Variants in FAM83E observed in about 807,000 individuals in gnomAD.
The protein encoded by FAM83E is protein FAM83E.
Under a neutral mutation model 34.3 loss-of-function variants are expected in FAM83E, and 29 were observed. The ratio of observed to expected loss-of-function variants is 0.85; its 90% CI spans 0.63 to 1.15. The LOEUF (loss-of-function observed/expected upper bound fraction) is 1.15. Ranked by LOEUF, FAM83E falls within the 50% of genes most tolerant of loss-of-function variation. The pLI is 0.00. For synonymous variants in FAM83E, 312 were observed against 311.6 expected, an observed-to-expected ratio of 1.00 and a Z score of -0.01; for missense variants, 697 against 685.0, an observed-to-expected ratio of 1.02 and a Z score of -0.20.
intron 3 of FAM83E, 47 bp from the exon 4 acceptor site, chr19:48,610,894 C>T (rs1425287273): frequency 1.3e-6 from 2 of 1,549,866 alleles, no homozygotes; most frequent in Admixed American, 1.9e-5. Flanking sequence ...GAAGCTGGCT[C>T]AGGGGACACT....
intron 5 of FAM83E, chr19:48,607,085 G>GT: frequency 6.2e-7 from 1 of 1,613,250 alleles, no homozygotes. Flanking sequence ...CAGTGTCCTG[G>GT]TACCTACATG....
intron 5 of FAM83E, among the ~76,000 whole-genome samples, chr19:48,604,461 G>A (rs1455665103): frequency 6.6e-6 from 1 of 150,844 alleles, no homozygotes; most frequent in East Asian, 2.0e-4. Context: ...CTCCTGAGTA[G>A]TTGGGATTAC....
At chr19:48,607,668 T>TA (rs1190384649) in intron 5 of FAM83E, 7 of 349,066 alleles carry the variant, frequency 2.0e-5, no homozygotes, top group East Asian at 4.6e-5. Flanking sequence ...TGAAATATGG[T>TA]AAAAAATATA....
At chr19:48,609,109 A>C (rs1042597760) in intron 5 of FAM83E, among the ~76,000 whole-genome samples, 1 of 151,970 alleles carries the variant, frequency 6.6e-6, no homozygotes, top group African/African-American at 2.4e-5. Context: ...AGGCACAGAG[A>C]GGTGAAGTAA....
rs1286638164 is a variant in FAM83E at position 48,609,876 on chromosome 19, C to A, written c.758G>T (p.Ser253Ile). 1 of 1,612,462 alleles carries A rather than the reference C, an allele frequency of 6.2e-7. No homozygotes were observed. Among genetic ancestry groups the A allele is most frequent in the Middle Eastern group, 1.7e-4 (1 of 6,038 alleles). Reference sequence around the variant, plus strand: ...GTGGGGGGCGGGGCGGGGGCTACACCTGTAGGATCCTGAGATGACCCTCTC... The same window carrying A: ...GTGGGGGGCGGGGCGGGGGCTACACATGTAGGATCCTGAGATGACCCTCTC... ...DGERVISGSY[S>I]FTWSDARLHR... is the part of the protein sequence containing the mutation. Residue 253 changes from serine (S) to isoleucine (I), a missense_variant and splice_region_variant, in exon 5 of 7, where the codon AGC (serine) becomes ATC (isoleucine). Ser to Ile is a moderately radical substitution (Grantham distance 142). Transcript: ENST00000263266.
At chr19:48,602,825 T>TTTATTATTATTA (rs201384936) in intron 6 of FAM83E, among the ~76,000 whole-genome samples, 57 of 113,994 alleles carry the variant, frequency 5.0e-4, no homozygotes, top group East Asian at 1.4e-3. Context: ...TTATTTATTG[T>TTTATTATTATTA]TTATTATTAT....
chr19:48,614,205 T>G lies in FAM83E; in HGVS notation c.-833A>C. 3.0e-6 allele frequency: 3 copies of G among 985,570 alleles called. No homozygotes were observed. The highest frequency in any genetic ancestry group is 3.6e-6 in the Non-Finnish European group (3 of 830,064). The allele number at this position is 985,570 out of a possible 1,614,324, so 61.1% of individuals were successfully genotyped here. On this transcript the variant is annotated 5_prime_UTR_variant, in exon 3 of 7. Coordinates refer to ENST00000263266, the MANE Select transcript of FAM83E (RefSeq NM_017708.4). Reference sequence around the variant, plus strand: ...CCCTCCTCACACTCCTTCCAGCTGCTGCAGTGGAGGGTGAAATGCGCTACA... The same window carrying G: ...CCCTCCTCACACTCCTTCCAGCTGCGGCAGTGGAGGGTGAAATGCGCTACA...
At chr19:48,609,747 T>G in intron 5 of FAM83E, 129 bp downstream of exon 5, 4 of 1,032,868 alleles carry the variant, frequency 3.9e-6, no homozygotes, top group South Asian at 1.5e-5. Context: ...CAGGGAAGAG[T>G]GTTTTGCCCC....
At chr19:48,607,933 A>G (rs1204064913) in intron 5 of FAM83E, among the ~76,000 whole-genome samples, 4 of 151,878 alleles carry the variant, frequency 2.6e-5, no homozygotes, top group Non-Finnish European at 5.9e-5. Flanking sequence ...CAAGCTGGGA[A>G]GGTAAACACT....
intron 6 of FAM83E, among the ~76,000 whole-genome samples, chr19:48,602,879 C>G (rs7251756): frequency 7.1e-6 from 1 of 141,144 alleles, no homozygotes; most frequent in East Asian, 2.1e-4. Flanking sequence ...TTTGAGACAG[C>G]CTTGCTCTGT....
chr19:48,603,730 C>T lies in FAM83E; in HGVS notation c.940G>A (p.Val314Met), dbSNP rs577301127. 4.4e-5 allele frequency: 65 copies of T among 1,484,652 alleles called. No homozygotes were observed. Among genetic ancestry groups the T allele is most frequent in the Non-Finnish European group, 5.1e-5 (58 of 1,126,592 alleles). 92.0% of individuals were successfully genotyped at this position (1,484,652 alleles called of 1,614,324 possible). A position where few individuals can be genotyped will look rare whatever the true frequency, so the allele number is the denominator to read the frequency against. The part of the protein sequence containing the change: ...GLQRGRSPHR[V>M]SRRRSVAPAS... ...GGGGCCACGGAGCGGCGGCGGGACA[C>T]GCGGTGCGGGCTGCGGCCCCGCTGC... The change falls in exon 6 of 7, where the codon GTG becomes ATG. Residue 314 changes from valine to methionine, a missense_variant. Transcript: ENST00000263266.
At chr19:48,603,146 C>T (rs1197600472) in intron 6 of FAM83E, among the ~76,000 whole-genome samples, 1 of 151,962 alleles carries the variant, frequency 6.6e-6, no homozygotes, top group Non-Finnish European at 1.5e-5. Context: ...GGATTCCTCC[C>T]CCAACCAAAC....
chr19:48,613,286 C>A lies in FAM83E; in HGVS notation c.87G>T (p.Glu29Asp). ...GAGCCTCCAGTGCCAGCCGCTGGCCCTCGGAATATAGAAAGCCGGGGCTGG... is the reference window on the plus strand; with the variant it reads ...GAGCCTCCAGTGCCAGCCGCTGGCCATCGGAATATAGAAAGCCGGGGCTGG... The part of the protein sequence containing the change: ...PGASPGFLYS[E>D]GQRLALEALL... Residue 29 changes from glutamate to aspartate, a missense_variant, in exon 3 of 7, where the codon GAG becomes GAT. Physicochemically the swap from Glu to Asp is conservative, Grantham distance 45. Coordinates refer to ENST00000263266, the MANE Select transcript of FAM83E (RefSeq NM_017708.4). 6.2e-7 allele frequency: 1 copy of A among 1,609,094 alleles called. No homozygotes were observed.
At chr19:48,603,345 C>A in intron 6 of FAM83E, 149 bp downstream of exon 6, 1 of 720,606 alleles carries the variant, frequency 1.4e-6, no homozygotes, top group Admixed American at 4.3e-5. Context: ...AATGAACAAA[C>A]GATGCCATTA....
chr19:48,605,973 G>A (rs1181926308), intron 5 of FAM83E, among the ~76,000 whole-genome samples: 1 of 152,110 alleles, frequency 6.6e-6, no homozygotes, highest in East Asian at 1.9e-4. Context: ...TGTGGGGGCC[G>A]GTGCCCTAAC....
rs780828161 is a variant in FAM83E at position 48,603,658 on chromosome 19, C to A, written c.1012G>T (p.Ala338Ser). The change falls in exon 6 of 7, where the codon GCC (alanine) becomes TCC (serine). Residue 338 changes from alanine (A) to serine (S), a missense_variant. Physicochemically the swap from Ala to Ser is moderately conservative, Grantham distance 99. Transcript: ENST00000263266. Reference sequence around the variant, plus strand: ...GGGGTAGCAGGGGAGACGCGGCAGGCGGCCAGGCGGTGGGCCAGCGGGCCG... The same window carrying A: ...GGGGTAGCAGGGGAGACGCGGCAGGAGGCCAGGCGGTGGGCCAGCGGGCCG... ...PDGPLAHRLAACRVSPATPGP... is the reference protein window; with the variant it reads ...PDGPLAHRLASCRVSPATPGP... 15 of 1,311,298 alleles carry A rather than the reference C, an allele frequency of 1.1e-5. No homozygotes were observed. The South Asian group carries it at 2.9e-4, about 25-fold the overall frequency. 81.2% of individuals were successfully genotyped at this position (1,311,298 alleles called of 1,614,324 possible). A position where few individuals can be genotyped will look rare whatever the true frequency, so the allele number is the denominator to read the frequency against.
Position 48,602,420 on chromosome 19 carries a change from C to A in FAM83E, c.1177-1051G>T, listed in dbSNP as rs146590016. Reference sequence around the variant, plus strand: ...GGAAGGGGGGAAGTGAGAGGGCAAACCTGGGACCCCCTAACCTACAGAGGG... The same window carrying A: ...GGAAGGGGGGAAGTGAGAGGGCAAAACTGGGACCCCCTAACCTACAGAGGG... On this transcript the variant is annotated intron_variant, in intron 6 of 6. Transcript: ENST00000263266. 2.5e-3 allele frequency among the ~76,000 whole-genome samples: 376 copies of A among 151,102 alleles called. 1 individual carries two copies. Among genetic ancestry groups the A allele is most frequent in the Non-Finnish European group, 1.8e-3 (124 of 67,796 alleles).
At position 48,614,109 on chromosome 19, in the gene FAM83E, G is replaced by C. The variant is rs932357741; in HGVS notation, c.-737C>G. On this transcript the variant is annotated 5_prime_UTR_variant, in exon 3 of 7. Transcript: ENST00000263266. ...GGATGCCTCTCCACTGGGCCTGCTCGCTCAGCCTTAAAGGCCGAAGGCTTG... is the reference window on the plus strand; with the variant it reads ...GGATGCCTCTCCACTGGGCCTGCTCCCTCAGCCTTAAAGGCCGAAGGCTTG... 4.1e-6 allele frequency: 4 copies of C among 985,566 alleles called. No individual in the cohort carries two copies. The African/African-American group carries it at 7.0e-5, about 17-fold the overall frequency. 61.1% of individuals were successfully genotyped at this position (985,566 alleles called of 1,614,324 possible).
chr19:48,602,704 A>ATAT (rs1392056834), intron 6 of FAM83E, among the ~76,000 whole-genome samples: 4 of 27,494 alleles, frequency 1.5e-4, no homozygotes, highest in Non-Finnish European at 2.5e-4. Context: ...AAAAAAAAAA[A>ATAT]ATATATATAT....
Sources: gnomAD v4.1 joint callset for allele counts (sites outside exome capture counted in the v4.1 genomes callset) on GRCh38, gnomAD v4.1.1 for gene constraint, MANE v1.5 for transcripts, NCBI Gene and HGNC (gene_info 2026-07-23, HGNC 2026-07-21) for gene names.